Variants in PCDHGA8 observed in about 807,000 individuals in gnomAD.
PCDHGA8 encodes the protein protocadherin gamma-A8.
A neutral mutation model predicts 59.2 loss-of-function variants in PCDHGA8; 45 were observed. That is an observed-to-expected ratio of 0.76 (90% CI 0.60 to 0.98). The LOEUF (loss-of-function observed/expected upper bound fraction) is 0.98, where lower values mean the gene tolerates loss of function less well. PCDHGA8 is among the 50% of genes least tolerant of loss of function. The pLI, the probability that PCDHGA8 is intolerant of heterozygous loss-of-function variation, is 0.00. For missense variants in PCDHGA8, 1,257 were observed against 1,196.2 expected, an observed-to-expected ratio of 1.05 and a Z score of -0.75; for synonymous variants, 531 against 519.0, an observed-to-expected ratio of 1.02 and a Z score of -0.32.
intron 1 of PCDHGA8, chr5:141,400,435 A>G (rs2094019562): frequency 6.2e-7 from 1 of 1,614,078 alleles, no homozygotes. Flanking sequence ...TGAGCAATTG[A>G]GTTCAGGACA....
chr5:141,484,907 C>T, intron 1 of PCDHGA8: 1 of 409,994 alleles, frequency 2.4e-6, no homozygotes, highest in Non-Finnish European at 4.3e-6. Context: ...AATGCTGCGA[C>T]GCATTAACCC....
At chr5:141,446,288 G>C (rs1437669688) in intron 1 of PCDHGA8, among the ~76,000 whole-genome samples, 1 of 152,100 alleles carries the variant, frequency 6.6e-6, no homozygotes, top group Non-Finnish European at 1.5e-5. Flanking sequence ...GGATAAATGG[G>C]GAGCAGGGAT....
At position 141,432,727 on chromosome 5, in the gene PCDHGA8, C is replaced by T; in HGVS notation, c.2424+37490C>T. 6.2e-7 allele frequency: 1 copy of T among 1,614,090 alleles called. No individual in the cohort carries two copies. Among genetic ancestry groups the T allele is most frequent in the Non-Finnish European group, 8.5e-7 (1 of 1,179,996 alleles). ...ACCACGGCCAGCCCCCTCTCTCCGC[C>T]ACTGTCACGCTCACCGTGGCCGTGG... On this transcript the variant is annotated intron_variant, in intron 1 of 3. Transcript: ENST00000398604. The surrounding 1 kb of genome is among the most constrained non-coding windows in gnomAD (Gnocchi z 6.0).
In PCDHGA8 at chr5:141,432,896, G is replaced by A. The variant is rs2097547014; in HGVS notation, c.2424+37659G>A. On this transcript the variant is annotated intron_variant, in intron 1 of 3. Transcript: ENST00000398604. This position sits in a 1 kb window ranked among gnomAD's most constrained non-coding sequence, Gnocchi z 6.0. ...CCTGGCCTTCGTCATCTTGCTGCTG[G>A]CGCTCAGGCTGCGGCGCTGGCACAA... is the stretch of plus-strand genomic sequence containing the variant. 6.2e-7 allele frequency: 1 copy of A among 1,614,056 alleles called. No homozygotes were observed. Among genetic ancestry groups the A allele is most frequent in the African/African-American group, 1.3e-5 (1 of 74,946 alleles).
At chr5:141,468,194 G>A (rs959390749) in intron 1 of PCDHGA8, among the ~76,000 whole-genome samples, 21 of 151,716 alleles carry the variant, frequency 1.4e-4, no homozygotes, top group South Asian at 2.1e-4. Flanking sequence ...GCATGGTGGC[G>A]GGTGCCTGTA....
intron 1 of PCDHGA8, chr5:141,403,929 G>T: frequency 6.2e-7 from 1 of 1,613,854 alleles, no homozygotes; most frequent in Non-Finnish European, 8.5e-7. Flanking sequence ...GATGGTGGGG[G>T]ATTGAAAGGG....
chr5:141,409,883 C>T lies in PCDHGA8; in HGVS notation c.2424+14646C>T, dbSNP rs530193346. 1.2e-6 allele frequency: 2 copies of T among 1,612,988 alleles called. No individual in the cohort carries two copies. The highest frequency in any genetic ancestry group is 3.3e-5 in the Admixed American group (2 of 59,964). ...GGGAGACCGCAATGACAACGCACCGCGGGTGCTGTACCCAGCTCTGGGTCC... is the reference window on the plus strand; with the variant it reads ...GGGAGACCGCAATGACAACGCACCGTGGGTGCTGTACCCAGCTCTGGGTCC... On this transcript the variant is annotated intron_variant, in intron 1 of 3. Transcript: ENST00000398604.
chr5:141,401,017 T>C (rs2094103677), intron 1 of PCDHGA8, among the ~76,000 whole-genome samples: 3 of 152,226 alleles, frequency 2.0e-5, no homozygotes, highest in Admixed American at 2.0e-4. Context: ...AATGGATTTA[T>C]GATTTTTTGA....
At chr5:141,417,954 C>A (rs2096198021) in intron 1 of PCDHGA8, 3 of 1,613,600 alleles carry the variant, frequency 1.9e-6, no homozygotes, top group South Asian at 1.1e-5. Flanking sequence ...CTGTGTGAGC[C>A]GATCCGCTAC....
At chr5:141,495,274 G>A (rs1396412578) in intron 2 of PCDHGA8, among the ~76,000 whole-genome samples, 1 of 152,190 alleles carries the variant, frequency 6.6e-6, no homozygotes, top group Non-Finnish European at 1.5e-5. Context: ...TTGACCGGAG[G>A]AGGCGGTCCG....
intron 1 of PCDHGA8, chr5:141,415,006 C>T (rs1353721901): frequency 1.2e-6 from 2 of 1,613,652 alleles, no homozygotes; most frequent in Non-Finnish European, 8.5e-7. Flanking sequence ...GCTGTCCTAC[C>T]GTCTGCTCAA....
In PCDHGA8 at chr5:141,394,696, C is replaced by A; in HGVS notation, c.1883C>A (p.Thr628Lys). 6.2e-7 allele frequency: 1 copy of A among 1,613,046 alleles called. No homozygotes were observed. Among genetic ancestry groups the A allele is most frequent in the Non-Finnish European group, 8.5e-7 (1 of 1,179,824 alleles). Reference sequence around the variant, plus strand: ...GGTCTGCACACGGGCGAGGTGCGCACGGCGCGAGCCCTGCTGGACAGAGAT... The same window carrying A: ...GGTCTGCACACGGGCGAGGTGCGCAAGGCGCGAGCCCTGCTGGACAGAGAT... The part of the protein sequence containing the change: ...SVGLHTGEVR[T>K]ARALLDRDAL... The change falls in exon 1 of 4, where the codon ACG becomes AAG. Residue 628 changes from threonine to lysine, a missense_variant. Thr to Lys is a moderately conservative substitution (Grantham distance 78). Coordinates refer to ENST00000398604, the MANE Select transcript of PCDHGA8 (RefSeq NM_032088.2).
chr5:141,433,993 T>G (rs1367687577), intron 1 of PCDHGA8, among the ~76,000 whole-genome samples: 1 of 152,216 alleles, frequency 6.6e-6, no homozygotes, highest in Non-Finnish European at 1.5e-5. Context: ...GAGTTTTATA[T>G]TCTCTATATA....
At chr5:141,459,863 G>A (rs182099511) in intron 1 of PCDHGA8, among the ~76,000 whole-genome samples, 2 of 152,242 alleles carry the variant, frequency 1.3e-5, no homozygotes, top group East Asian at 1.9e-4. Context: ...TGAAGCATTC[G>A]TTCATCTTTA....
At chr5:141,473,229 T>G (rs891825934) in intron 1 of PCDHGA8, among the ~76,000 whole-genome samples, 8 of 152,160 alleles carry the variant, frequency 5.3e-5, no homozygotes, top group Admixed American at 1.3e-4. Context: ...GGAGATTGGA[T>G]CCACACAAGT....
In PCDHGA8 at chr5:141,476,836, T is replaced by C. The variant is rs772607917; in HGVS notation, c.2425-17971T>C. On this transcript the variant is annotated intron_variant, in intron 1 of 3. Coordinates refer to ENST00000398604, the MANE Select transcript of PCDHGA8 (RefSeq NM_032088.2). The surrounding 1 kb of genome is among the most constrained non-coding windows in gnomAD (Gnocchi z 7.6). ...TCAAGGTGCTGGACGCGAATGACAATGCGCCTGTCTTCAACCAGTCCTTGT... is the reference window on the plus strand; with the variant it reads ...TCAAGGTGCTGGACGCGAATGACAACGCGCCTGTCTTCAACCAGTCCTTGT... 1.9e-6 allele frequency: 3 copies of C among 1,613,652 alleles called. 1 individual carries two copies. The highest frequency in any genetic ancestry group is 2.2e-5 in the East Asian group (1 of 44,852).
At chr5:141,423,265 G>C in intron 1 of PCDHGA8, 1 of 1,613,666 alleles carries the variant, frequency 6.2e-7, no homozygotes, top group Non-Finnish European at 8.5e-7. Flanking sequence ...CGGCAGCCTC[G>C]AGTCTCTGGC....
intron 1 of PCDHGA8, chr5:141,426,871 A>G (rs887250057): frequency 2.2e-6 from 1 of 456,722 alleles, no homozygotes; most frequent in Non-Finnish European, 4.4e-6. Flanking sequence ...GTGCTGGAGA[A>G]GCCCCTGGGC....
intron 1 of PCDHGA8, chr5:141,429,167 T>TATAC (rs1240034860): frequency 3.1e-4 from 42 of 136,210 alleles, no homozygotes; most frequent in African/African-American, 7.0e-4. Flanking sequence ...AGACATTGTT[T>TATAC]ATACACACAC....
Sources: gnomAD v4.1 joint callset for allele counts (sites outside exome capture counted in the v4.1 genomes callset) on GRCh38, gnomAD v4.1.1 for gene constraint, Gnocchi (gnomAD v3.1) non-coding constraint, MANE v1.5 for transcripts, NCBI Gene and HGNC (gene_info 2026-07-23, HGNC 2026-07-21) for gene names.